The following UBL3 variants were observed in gnomAD, a reference collection of about 807,000 sequenced individuals.
The protein encoded by UBL3 is ubiquitin like 3.
In UBL3, 6 loss-of-function variants were observed where a neutral mutation model predicts 18.4. The ratio of observed to expected loss-of-function variants is 0.33; its 90% confidence interval spans 0.18 to 0.64. The LOEUF is 0.64. Ranked by LOEUF, UBL3 falls within the 30% of genes least tolerant of loss-of-function variation. The pLI is 0.76. For missense variants in UBL3, 109 were observed against 142.9 expected, an observed-to-expected ratio of 0.76 and a Z score of 1.21; for synonymous variants, 49 against 46.6, an observed-to-expected ratio of 1.05 and a Z score of -0.21.
chr13:29,815,997 A>C (rs1308858251), intron 1 of UBL3, among the ~76,000 whole-genome samples: 3 of 152,196 alleles, frequency 2.0e-5, no homozygotes, highest in Non-Finnish European at 4.4e-5. Context: ...TGATGCTTTT[A>C]GGACATATTA....
At chr13:29,811,028 C>T (rs1229537725) in intron 1 of UBL3, among the ~76,000 whole-genome samples, 1 of 152,064 alleles carries the variant, frequency 6.6e-6, no homozygotes, top group Non-Finnish European at 1.5e-5. Flanking sequence ...GAGGAAGGGT[C>T]ATTTCTCAAA....
chr13:29,840,660 T>C (rs1182809909), intron 1 of UBL3, among the ~76,000 whole-genome samples: 2 of 152,194 alleles, frequency 1.3e-5, no homozygotes, highest in Non-Finnish European at 2.9e-5. Flanking sequence ...AATTAGGAAA[T>C]ATATATCCTT....
intron 2 of UBL3, among the ~76,000 whole-genome samples, chr13:29,774,967 C>G (rs1387502345): frequency 6.6e-6 from 1 of 152,128 alleles, no homozygotes; most frequent in Non-Finnish European, 1.5e-5. Context: ...GAGATCAGAA[C>G]AGGGGTTCAC....
chr13:29,807,677 T>C (rs1877929975), intron 1 of UBL3, among the ~76,000 whole-genome samples: 1 of 152,126 alleles, frequency 6.6e-6, no homozygotes, highest in African/African-American at 2.4e-5. Context: ...AGCATCACTG[T>C]TCAGATCAAA....
intron 1 of UBL3, among the ~76,000 whole-genome samples, chr13:29,820,169 CTTTTTTTTTT>C (rs36050662): frequency 1.9e-5 from 2 of 104,972 alleles, no homozygotes; most frequent in Non-Finnish European, 3.6e-5. Context: ...CTCAGAGTTC[CTTTTTTTTTT>C]TTTTTTTTTT....
intron 1 of UBL3, among the ~76,000 whole-genome samples, chr13:29,846,864 C>A (rs1346483733): frequency 6.6e-6 from 1 of 152,186 alleles, no homozygotes; most frequent in Non-Finnish European, 1.5e-5. Flanking sequence ...GAAAGCTTAA[C>A]ATTTTACTGC....
chr13:29,786,027 T>C (rs1877305408), intron 1 of UBL3, among the ~76,000 whole-genome samples: 1 of 152,208 alleles, frequency 6.6e-6, no homozygotes, highest in South Asian at 2.1e-4. Context: ...TTTCAGGTAC[T>C]GCACTTGGTT....
intron 3 of UBL3, among the ~76,000 whole-genome samples, chr13:29,771,783 TG>T (rs1235571335): frequency 6.6e-6 from 1 of 152,054 alleles, no homozygotes; most frequent in East Asian, 1.9e-4. Context: ...TTTCCTAGTT[TG>T]TGTGTCCAGT....
chr13:29,777,923 C>T (rs549855245), intron 1 of UBL3, among the ~76,000 whole-genome samples: 5 of 152,042 alleles, frequency 3.3e-5, no homozygotes, highest in Non-Finnish European at 2.9e-5. Context: ...CTCACCACCA[C>T]GCCCAGCTAA....
intron 1 of UBL3, among the ~76,000 whole-genome samples, chr13:29,778,462 A>C (rs1473829444): frequency 6.6e-6 from 1 of 152,198 alleles, no homozygotes; most frequent in Non-Finnish European, 1.5e-5. Flanking sequence ...GATCCTACTA[A>C]AAGTTGGGTC....
rs142304476 is a variant in UBL3 at position 29,783,250 on chromosome 13, T to G, written c.28-5987A>C. On this transcript the variant is annotated intron_variant, in intron 1 of 4. Transcript: ENST00000380680. ...CAGAGTTAACATAAATGCTATCATT[T>G]AGTCAGGTATTTTGAAAAGTAAAAT... Among the ~76,000 whole-genome samples, 46 of 152,370 alleles carry G rather than the reference T, an allele frequency of 3.0e-4. No homozygotes were observed. The East Asian group carries it at 8.7e-3, about 29-fold the overall frequency.
In UBL3 at chr13:29,803,356, C is replaced by T. The variant is rs371811489; in HGVS notation, c.28-26093G>A. Among the ~76,000 whole-genome samples the T allele has an allele frequency of 8.5e-5, 13 of 152,154 alleles. No homozygotes were observed. In the East Asian group the frequency reaches 1.7e-3, roughly 20 times the overall value. On this transcript the variant is annotated intron_variant, in intron 1 of 4. Transcript: ENST00000380680. ...AACAAAAGTACACAGACCACTGACA[C>T]TATAAAAGAATGATGCAAACAAGTC...
Position 29,812,222 on chromosome 13 carries a change from G to C in UBL3, c.28-34959C>G, listed in dbSNP as rs189107088. 1.5e-3 allele frequency among the ~76,000 whole-genome samples: 225 copies of C among 152,078 alleles called. 3 individuals are homozygous for C. The highest frequency in any genetic ancestry group is 5.3e-3 in the African/African-American group (220 of 41,502). On this transcript the variant is annotated intron_variant, in intron 1 of 4. Coordinates refer to ENST00000380680, the MANE Select transcript of UBL3 (RefSeq NM_007106.4). Reference sequence around the variant, plus strand: ...ACCTTCCCTTTCAAATCAGCACAGGGTTTAGCCAATTCAAAATTCAATTCT... The same window carrying C: ...ACCTTCCCTTTCAAATCAGCACAGGCTTTAGCCAATTCAAAATTCAATTCT...
At chr13:29,848,271 C>T (rs1224078333) in intron 1 of UBL3, among the ~76,000 whole-genome samples, 2 of 103,048 alleles carry the variant, frequency 1.9e-5, no homozygotes, top group Non-Finnish European at 1.8e-5. Context: ...TGGTGAAACC[C>T]TGTCTCCACA....
intron 1 of UBL3, among the ~76,000 whole-genome samples, chr13:29,843,930 C>G (rs925449822): frequency 6.6e-6 from 1 of 152,176 alleles, no homozygotes; most frequent in Non-Finnish European, 1.5e-5. Flanking sequence ...CGGATAAGAA[C>G]AGCATATAGA....
intron 1 of UBL3, among the ~76,000 whole-genome samples, chr13:29,841,432 A>G (rs1879096869): frequency 1.3e-5 from 2 of 152,252 alleles, no homozygotes; most frequent in South Asian, 4.1e-4. Context: ...TGTAACAAAT[A>G]TATACATAAG....
intron 3 of UBL3, among the ~76,000 whole-genome samples, chr13:29,770,144 C>A (rs999634832): frequency 1.3e-5 from 2 of 152,002 alleles, no homozygotes; most frequent in Non-Finnish European, 2.9e-5. Flanking sequence ...ACACAGGCCA[C>A]TCAAATATTT....
intron 1 of UBL3, among the ~76,000 whole-genome samples, chr13:29,782,501 A>G (rs571911723): frequency 6.0e-4 from 91 of 152,312 alleles, no homozygotes; most frequent in Admixed American, 1.4e-3. Flanking sequence ...ACCAAATTTA[A>G]AAAATATTAT....
chr13:29,777,373 TA>T (rs1361725155), intron 1 of UBL3, 110 bp from the exon 2 acceptor site: 2 of 824,278 alleles, frequency 2.4e-6, no homozygotes, highest in Admixed American at 4.7e-5. Context: ...ACCAATGCCA[TA>T]TTGTGGTTTT....
Sources: allele counts gnomAD v4.1 joint callset (sites outside exome capture counted in the v4.1 genomes callset), GRCh38; gene constraint gnomAD v4.1.1; transcripts MANE v1.5; gene names NCBI Gene and HGNC (gene_info 2026-07-23, HGNC 2026-07-21).